TBC1D10A: variants seen among roughly 807,000 people sequenced by gnomAD.
TBC1D10A encodes the protein TBC1 domain family member 10A.
In TBC1D10A, 24 loss-of-function variants were observed where a neutral mutation model predicts 52.9. That is an observed-to-expected ratio of 0.45 (90% CI 0.33 to 0.64). The LOEUF is 0.64. Among genes scored for constraint, TBC1D10A ranks in the 30% least tolerant of loss-of-function variants. TBC1D10A has a pLI of 0.02. For missense variants in TBC1D10A, 602 were observed against 687.9 expected, an observed-to-expected ratio of 0.88 and a Z score of 1.40; for synonymous variants, 278 against 282.9, an observed-to-expected ratio of 0.98 and a Z score of 0.17.
intron 2 of TBC1D10A, chr22:30,300,668 G>T (rs1930184639): frequency 6.6e-6 from 1 of 152,142 alleles, no homozygotes; most frequent in African/African-American, 2.4e-5. Flanking sequence ...CAGCCTAGAG[G>T]GGAGAAATCT....
rs373742072 is a variant in TBC1D10A at position 30,292,406 on chromosome 22, G to A, written c.1496C>T (p.Thr499Met). 25 of 1,574,876 alleles carry A rather than the reference G, an allele frequency of 1.6e-5. No individual in the cohort carries two copies. Among genetic ancestry groups the A allele is most frequent in the Admixed American group, 1.5e-4 (8 of 55,048 alleles). The stretch of plus-strand genomic sequence containing the variant: ...GTAGGTGTCCTCACTCTCTTGGGAC[G>A]TCAAGCTCTCCTGGGAGCGGTGGTG... ...SAHHRSQESL[T>M]SQESEDTYL Residue 499 changes from threonine to methionine, a missense_variant, in exon 9 of 9, where the codon ACG (threonine) becomes ATG (methionine). This residue lies in a region of TBC1D10A where 265 missense variants were observed against 275.1 expected (regional missense o/e 0.96). Coordinates refer to ENST00000215790, the MANE Select transcript of TBC1D10A (RefSeq NM_031937.3).
intron 3 of TBC1D10A, 200 bp from the exon 4 acceptor site, chr22:30,296,043 G>T: frequency 1.7e-6 from 1 of 586,632 alleles, no homozygotes; most frequent in Non-Finnish European, 3.0e-6. Flanking sequence ...GGGGCAAGGA[G>T]GGAAGGGCCC....
Position 30,292,741 on chromosome 22 carries a change from C to T in TBC1D10A, c.1161G>A (p.Leu387=), listed in dbSNP as rs776661955. 6 of 1,611,712 alleles carry T rather than the reference C, an allele frequency of 3.7e-6. No individual in the cohort carries two copies. The South Asian group carries it at 4.4e-5, about 12-fold the overall frequency. The change falls in exon 9 of 9, where the codon CTG becomes CTA. Residue 387 remains leucine, a synonymous_variant. Transcript: ENST00000215790. ...CATCCAAGATAGCCTTGGCACCATG[C>T]AGCCTGGGCGGGGAGCGGCACTGCA... ...GELQCRSPPR[L]HGAKAILDAE... is the part of the protein sequence containing the mutation.
rs1930106607 is a variant in TBC1D10A at position 30,297,489 on chromosome 22, T to C, written c.418-1646A>G. 6.6e-6 allele frequency: 1 copy of C among 151,740 alleles called. No homozygotes were observed. Among genetic ancestry groups the C allele is most frequent in the Admixed American group, 6.6e-5 (1 of 15,226 alleles). The allele number at this position is 151,740 out of a possible 1,614,324, so 9.4% of individuals were successfully genotyped here. On this transcript the variant is annotated intron_variant, in intron 3 of 8. Coordinates refer to ENST00000215790, the MANE Select transcript of TBC1D10A (RefSeq NM_031937.3). The surrounding 1 kb of genome is among the most constrained non-coding windows in gnomAD (Gnocchi z 4.3). ...AAGGCACTTGGCCACACATGGTTGG[T>C]GAGAAAGGAAAAGAGGGTAGCTGCA...
rs1030983028 is a variant in TBC1D10A, at chr22:30,304,798, C to T, written c.210-168G>A. ...ATCCTATTGCAGATGAGAGGGAACA[C>T]GCCACCTCCCCATCCACCGCCTCAA... On this transcript the variant is annotated intron_variant, in intron 1 of 8. Transcript: ENST00000215790. 21 of 1,301,274 alleles carry T rather than the reference C, an allele frequency of 1.6e-5. No homozygotes were observed. In the African/African-American group the frequency reaches 1.7e-4, roughly 10 times the overall value. The allele number at this position is 1,301,274 out of a possible 1,614,324, so 80.6% of individuals were successfully genotyped here.
At chr22:30,317,503 G>C (rs1376648787) in intron 1 of TBC1D10A, among the ~76,000 whole-genome samples, 1 of 152,212 alleles carries the variant, frequency 6.6e-6, no homozygotes, top group Non-Finnish European at 1.5e-5. Flanking sequence ...ATAGGGTTAA[G>C]GTCTCCAGAT....
At chr22:30,294,677 C>T in intron 6 of TBC1D10A, 119 bp downstream of exon 6, 7 of 1,353,978 alleles carry the variant, frequency 5.2e-6, no homozygotes, top group Non-Finnish European at 7.2e-6. Context: ...ACTTCAGCCT[C>T]AAGGCAACAG....
chr22:30,295,091 G>A (rs1930048239), intron 4 of TBC1D10A, 36 bp from the exon 5 acceptor site: 1 of 1,603,562 alleles, frequency 6.2e-7, no homozygotes, highest in African/African-American at 1.3e-5. Context: ...GATGACCGGG[G>A]TGACTCTGCT....
intron 1 of TBC1D10A, chr22:30,318,750 A>T (rs1304189489): frequency 8.5e-6 from 4 of 469,674 alleles, no homozygotes; most frequent in Non-Finnish European, 1.8e-5. Context: ...TCCAGGTCTC[A>T]CCACAGCCCT....
chr22:30,303,209 T>C (rs569973006), intron 2 of TBC1D10A, among the ~76,000 whole-genome samples: 6 of 152,052 alleles, frequency 3.9e-5, no homozygotes, highest in African/African-American at 1.4e-4. Flanking sequence ...ACTCCAGGAG[T>C]TCGAGGCTGC....
chr22:30,315,352 T>C (rs768665234), intron 1 of TBC1D10A, among the ~76,000 whole-genome samples: 2 of 152,244 alleles, frequency 1.3e-5, no homozygotes, highest in Non-Finnish European at 2.9e-5. Flanking sequence ...GACACTGTGC[T>C]GGGTGCTTTA....
intron 1 of TBC1D10A, among the ~76,000 whole-genome samples, chr22:30,325,508 A>G (rs1428285999): frequency 2.6e-5 from 4 of 152,212 alleles, no homozygotes; most frequent in African/African-American, 9.7e-5. Context: ...TGGAAAGCAC[A>G]CATCAGGAGG....
At position 30,301,869 on chromosome 22, in the gene TBC1D10A, G is replaced by A. The variant is rs554843828; in HGVS notation, c.310-2318C>T. Among the ~76,000 whole-genome samples, 3 of 152,314 alleles carry A rather than the reference G, an allele frequency of 2.0e-5. No individual in the cohort carries two copies. In the East Asian group the frequency reaches 5.8e-4, roughly 29 times the overall value. ...GGAGGCAGAGGAAGGGGGCTGAAGG[G>A]AACTGCACTAGACGCAAGGAAGAGT... On this transcript the variant is annotated intron_variant, in intron 2 of 8. Coordinates refer to ENST00000215790, the MANE Select transcript of TBC1D10A (RefSeq NM_031937.3).
chr22:30,304,659 A>G lies in TBC1D10A; in HGVS notation c.210-29T>C, dbSNP rs777000126. ...TGGAGCAGAGGGCAGGGCCTGTGAG[A>G]GGTGCCAAGGGAAGCAAAGGCCCTG... is the stretch of plus-strand genomic sequence containing the variant. On this transcript the variant is annotated intron_variant, in intron 1 of 8. Transcript: ENST00000215790. 3 of 1,609,284 alleles carry G rather than the reference A, an allele frequency of 1.9e-6. No homozygotes were observed. In the South Asian group the frequency reaches 3.3e-5, roughly 18 times the overall value.
chr22:30,309,610 G>T (rs1162580504), intron 1 of TBC1D10A, among the ~76,000 whole-genome samples: 1 of 152,216 alleles, frequency 6.6e-6, no homozygotes, highest in African/African-American at 2.4e-5. Context: ...CACAGATCTT[G>T]TCAGGCTCCT....
chr22:30,293,639 C>A lies in TBC1D10A; in HGVS notation c.1050+12G>T. On this transcript the variant is annotated intron_variant, in intron 8 of 8. Coordinates refer to ENST00000215790, the MANE Select transcript of TBC1D10A (RefSeq NM_031937.3). ...CTCCCTCCCCATGATAAGGGGCAGG[C>A]ATGGGCTGTACCTCCTGGACCAGAA... 1 of 1,600,194 alleles carries A rather than the reference C, an allele frequency of 6.2e-7. No individual in the cohort carries two copies. Among genetic ancestry groups the A allele is most frequent in the Non-Finnish European group, 8.5e-7 (1 of 1,170,108 alleles).
intron 1 of TBC1D10A, among the ~76,000 whole-genome samples, chr22:30,319,413 G>C (rs569816448): frequency 3.3e-5 from 5 of 152,336 alleles, no homozygotes; most frequent in Non-Finnish European, 5.9e-5. Context: ...GACAGAGTAG[G>C]TGCTCAATAA....
rs35640957 is a variant in TBC1D10A, at chr22:30,313,550, ATTTTTTTTTTTTTT to A, written c.210-8934_210-8921del. 7.1e-5 allele frequency among the ~76,000 whole-genome samples: 3 copies of A among 42,210 alleles called. No individual in the cohort carries two copies. In the East Asian group the frequency reaches 3.0e-3, roughly 42 times the overall value. 27.7% of individuals were successfully genotyped at this position (42,210 alleles called of 152,430 possible). ...AGGTGTGCGCCACCACGGCCAGCTA[ATTTTTTTTTTTTTT>A]TTTTTTTTTTTTTTTTTTAGCAGAG... is the stretch of plus-strand genomic sequence containing the variant. On this transcript the variant is annotated intron_variant, in intron 1 of 8. Transcript: ENST00000215790.
chr22:30,305,748 G>C (rs1930298579), intron 1 of TBC1D10A: 1 of 152,292 alleles, frequency 6.6e-6, no homozygotes, highest in Non-Finnish European at 1.5e-5. Context: ...TGGCAGAGCT[G>C]AGGCCTCTAA....
Sources: gnomAD v4.1 joint callset for allele counts (sites outside exome capture counted in the v4.1 genomes callset) on GRCh38, gnomAD v4.1.1 for gene constraint, gnomAD v4.1.1 regional missense constraint, Gnocchi (gnomAD v3.1) non-coding constraint, MANE v1.5 for transcripts, NCBI Gene and HGNC (gene_info 2026-07-23, HGNC 2026-07-21) for gene names.